Variants in CCDC102B observed in about 807,000 individuals in gnomAD.
CCDC102B encodes coiled-coil domain-containing protein 102B.
A neutral mutation model predicts 57.4 loss-of-function variants in CCDC102B; 75 were observed. That is an observed-to-expected ratio of 1.31 (90% confidence interval 1.08 to 1.58). The LOEUF is 1.58. CCDC102B is among the 40% of genes most tolerant of loss of function. CCDC102B has a pLI of 0.00. For synonymous variants in CCDC102B, 206 were observed against 201.9 expected, an observed-to-expected ratio of 1.02 and a Z score of -0.17; for missense variants, 636 against 582.6, an observed-to-expected ratio of 1.09 and a Z score of -0.94.
chr18:68,952,758 G>A (rs1448965805), intron 6 of CCDC102B, among the ~76,000 whole-genome samples: 1 of 152,248 alleles, frequency 6.6e-6, no homozygotes, highest in Non-Finnish European at 1.5e-5. Context: ...AATGCCAAAT[G>A]CCATCAAGAA....
At chr18:68,968,856 C>G (rs1316163973) in intron 6 of CCDC102B, among the ~76,000 whole-genome samples, 1 of 152,064 alleles carries the variant, frequency 6.6e-6, no homozygotes, top group Non-Finnish European at 1.5e-5. Context: ...TACATGTTCT[C>G]CCTAATAGTA....
chr18:68,855,570 G>C (rs1161329906), intron 4 of CCDC102B, among the ~76,000 whole-genome samples: 1 of 152,094 alleles, frequency 6.6e-6, no homozygotes, highest in African/African-American at 2.4e-5. Flanking sequence ...ATCAACTGTA[G>C]AATATTTTCA....
chr18:68,815,677 T>TACACAC (rs10592850), intron 1 of CCDC102B, among the ~76,000 whole-genome samples: 16,179 of 149,214 alleles, frequency 0.11, 966 homozygotes, highest in East Asian at 0.27. Context: ...TCCATTTACA[T>TACACAC]ACACACACAC....
At chr18:68,830,089 C>T (rs2037082732) in intron 1 of CCDC102B, among the ~76,000 whole-genome samples, 2 of 151,758 alleles carry the variant, frequency 1.3e-5, no homozygotes, top group African/African-American at 4.8e-5. Flanking sequence ...TGGTTATGTG[C>T]TCTCATTTTA....
intron 6 of CCDC102B, among the ~76,000 whole-genome samples, chr18:68,959,983 C>T (rs1008524270): frequency 2.0e-5 from 3 of 152,112 alleles, no homozygotes; most frequent in Non-Finnish European, 1.5e-5. Flanking sequence ...GTGCTCAACC[C>T]CACTGTGGCT....
At chr18:68,912,485 G>A (rs532888879) in intron 6 of CCDC102B, among the ~76,000 whole-genome samples, 82 of 152,196 alleles carry the variant, frequency 5.4e-4, no homozygotes, top group Non-Finnish European at 1.1e-3. Context: ...TTTAGATGTG[G>A]GGCCTGGAAA....
At chr18:69,033,832 A>G (rs1301903890) in intron 7 of CCDC102B, among the ~76,000 whole-genome samples, 1 of 151,944 alleles carries the variant, frequency 6.6e-6, no homozygotes, top group Non-Finnish European at 1.5e-5. Context: ...GAGGATTTCA[A>G]TTTCTTCACA....
Position 68,799,536 on chromosome 18 carries a change from G to A in CCDC102B, c.-16+1355G>A, listed in dbSNP as rs73456179. ...AAAATACAAGAAATGCTCTCAGGTC[G>A]TCATATCTCTTATGCTGATATTACA... On this transcript the variant is annotated intron_variant, in intron 1 of 7. Transcript: ENST00000360242. Among the ~76,000 whole-genome samples, 932 of 152,192 alleles carry A rather than the reference G, an allele frequency of 6.1e-3. 8 individuals are homozygous for A. The highest frequency in any genetic ancestry group is 0.021 in the African/African-American group (873 of 41,548).
At chr18:69,056,636 A>AATAGATAGATAGATGGATAG (rs1555678888), downstream of CCDC102B, among the ~76,000 whole-genome samples, 18,149 of 121,808 alleles carry the variant, frequency 0.15, 1,528 homozygotes, top group Non-Finnish European at 0.2. Flanking sequence ...ATAGATAGAT[A>AATAGATAGATAGATGGATAG]ATAGATAGAT....
chr18:69,022,272 C>T (rs1032045737), intron 7 of CCDC102B, among the ~76,000 whole-genome samples: 2 of 150,326 alleles, frequency 1.3e-5, no homozygotes, highest in Admixed American at 6.6e-5. Context: ...ATATATGGGC[C>T]ACACACATAT....
intron 5 of CCDC102B, among the ~76,000 whole-genome samples, chr18:68,894,326 G>T (rs1370294851): frequency 6.6e-6 from 1 of 152,006 alleles, no homozygotes; most frequent in Non-Finnish European, 1.5e-5. Flanking sequence ...TACAAAGAAT[G>T]TACTTTTACA....
chr18:68,862,762 G>A (rs1182047700), intron 4 of CCDC102B, among the ~76,000 whole-genome samples: 1 of 152,058 alleles, frequency 6.6e-6, no homozygotes, highest in Non-Finnish European at 1.5e-5. Context: ...CCTATAAATA[G>A]AGAGTGGGCA....
At chr18:68,893,876 C>A (rs1222633963) in intron 5 of CCDC102B, among the ~76,000 whole-genome samples, 1 of 152,112 alleles carries the variant, frequency 6.6e-6, no homozygotes, top group Non-Finnish European at 1.5e-5. Context: ...TGTCCAGTTT[C>A]CTTTTATACC....
In CCDC102B at chr18:68,956,504, A is replaced by G. The variant is rs2049886504; in HGVS notation, c.1264-54430A>G. 3.9e-5 allele frequency among the ~76,000 whole-genome samples: 2 copies of G among 51,554 alleles called. 1 individual carries two copies. The highest frequency in any genetic ancestry group is 1.2e-3 in the South Asian group (2 of 1,704). 33.8% of individuals were successfully genotyped at this position (51,554 alleles called of 152,430 possible). On this transcript the variant is annotated intron_variant, in intron 6 of 7. Transcript: ENST00000360242. ...TATATAATATATATATAAAATATATAATATATATATCGCATATTATATATA... is the reference window on the plus strand; with the variant it reads ...TATATAATATATATATAAAATATATGATATATATATCGCATATTATATATA...
chr18:68,866,174 C>T (rs372094328), intron 4 of CCDC102B, among the ~76,000 whole-genome samples: 101 of 152,048 alleles, frequency 6.6e-4, no homozygotes, highest in Non-Finnish European at 6.6e-4. Context: ...CAATTGTGTA[C>T]GCATAACAAT....
At chr18:68,950,830 G>T (rs2145195465) in intron 6 of CCDC102B, among the ~76,000 whole-genome samples, 1 of 152,202 alleles carries the variant, frequency 6.6e-6, no homozygotes, top group East Asian at 1.9e-4. Context: ...TTTGTTAATT[G>T]CCTAAGAGAA....
At position 68,838,939 on chromosome 18, in the gene CCDC102B, C is replaced by A; in HGVS notation, c.827+13C>A. 1 of 1,595,478 alleles carries A rather than the reference C, an allele frequency of 6.3e-7. No individual in the cohort carries two copies. The highest frequency in any genetic ancestry group is 1.1e-5 in the South Asian group (1 of 90,506). ...GGAAGGAAAGAGAGTAAGTGCTAAT[C>A]ATTGTCTCCCTTAACCAAGTCTAAG... On this transcript the variant is annotated intron_variant, in intron 3 of 7. Transcript: ENST00000360242.
At chr18:69,032,582 A>C (rs941886506) in intron 7 of CCDC102B, among the ~76,000 whole-genome samples, 1 of 152,172 alleles carries the variant, frequency 6.6e-6, no homozygotes, top group Non-Finnish European at 1.5e-5. Context: ...ACTATTCTAC[A>C]ATTTAGAAAG....
chr18:68,873,891 AAT>A (rs1181088159), intron 4 of CCDC102B, among the ~76,000 whole-genome samples: 2 of 151,618 alleles, frequency 1.3e-5, no homozygotes, highest in African/African-American at 2.4e-5. Context: ...CATAGCTTAA[AAT>A]ATATGTCAAT....
Sources: allele counts gnomAD v4.1 joint callset (sites outside exome capture counted in the v4.1 genomes callset), GRCh38; gene constraint gnomAD v4.1.1; transcripts MANE v1.5; gene names NCBI Gene and HGNC (gene_info 2026-07-23, HGNC 2026-07-21).